Variants in ADH5 observed in about 807,000 individuals in gnomAD.
ADH5 encodes alcohol dehydrogenase class-3.
ADH5 carries 32 observed loss-of-function variants against 40.3 expected under a neutral mutation model. That is an observed-to-expected ratio of 0.79 (90% CI 0.60 to 1.07). The LOEUF is 1.07. Among genes scored for constraint, ADH5 ranks in the 50% least tolerant of loss-of-function variants. The probability of loss-of-function intolerance (pLI) is 0.00; values close to 1 mark genes in which losing one functional copy is unlikely to be tolerated. For missense variants in ADH5, 353 were observed against 460.5 expected (o/e 0.77, Z 2.14); for synonymous variants, 125 against 154.3 (o/e 0.81, Z 1.41).
chr4:99,075,147 T>G, intron 6 of ADH5, 98 bp from the exon 7 acceptor site: 1 of 1,144,292 alleles, frequency 8.7e-7, no homozygotes, highest in Admixed American at 2.8e-5. Flanking sequence ...TTTTTAAAGA[T>G]AATGGCAACA....
rs537536710 is a variant in ADH5 at position 99,076,182 on chromosome 4, A to T, written c.825+110T>A. On this transcript the variant is annotated intron_variant, in intron 6 of 8. Coordinates refer to ENST00000296412, the MANE Select transcript of ADH5 (RefSeq NM_000671.4). ...ATTTTCCCCTTCTTTCACTAGAAAA[A>T]TTCTTATTAAGAGACTTTTCCTTTG... 215 of 1,153,286 alleles carry T rather than the reference A, an allele frequency of 1.9e-4. No individual in the cohort carries two copies. The African/African-American group carries it at 2.8e-3, about 15-fold the overall frequency. The allele number at this position is 1,153,286 out of a possible 1,614,324, so 71.4% of individuals were successfully genotyped here.
Position 99,072,626 on chromosome 4 carries a change from A to G in ADH5, c.1047T>C (p.Asn349=), listed in dbSNP as rs1271154225. The change falls in exon 8 of 9, where the codon AAT becomes AAC. Residue 349 remains asparagine, a synonymous_variant. Transcript: ENST00000296412. ...KIKVDEFVTH[N]LSFDEINKAF... ...CTTTGTTGATTTCATCAAAAGACAG[A>G]TTGTGAGTCACAAATTCATCAACTT... 2 of 1,613,742 alleles carry G rather than the reference A, an allele frequency of 1.2e-6. No homozygotes were observed. The highest frequency in any genetic ancestry group is 2.2e-5 in the South Asian group (2 of 91,008).
At chr4:99,080,785 C>T (rs1728013583) in intron 4 of ADH5, 1 of 155,184 alleles carries the variant, frequency 6.4e-6, no homozygotes, top group Non-Finnish European at 1.4e-5. Context: ...CACTGATGTA[C>T]AATGCACTAC....
rs925565455 is a variant in ADH5, at chr4:99,071,993, T to TAATC, written c.*420_*423dup. ...TCACTGATGGCTAGGATCTGTTCTT[T>TAATC]AATCAACGGGGACTGAGACCCTTAA... On this transcript the variant is annotated 3_prime_UTR_variant, in exon 9 of 9. Transcript: ENST00000296412. The TAATC allele has an allele frequency of 3.0e-5, 5 of 164,260 alleles. No homozygotes were observed. The highest frequency in any genetic ancestry group is 1.2e-4 in the African/African-American group (5 of 41,748). 10.2% of individuals were successfully genotyped at this position (164,260 alleles called of 1,614,324 possible).
chr4:99,075,979 C>G (rs1175054788), intron 6 of ADH5: 1 of 238,004 alleles, frequency 4.2e-6, no homozygotes, highest in Admixed American at 5.1e-5. Flanking sequence ...TTCAGGGTCA[C>G]TGAGTTAGTA....
intron 4 of ADH5, chr4:99,079,975 T>C (rs754220128): frequency 8.8e-6 from 4 of 455,192 alleles, no homozygotes; most frequent in South Asian, 6.2e-5. Context: ...GGCACACCCC[T>C]TTAGTTTCTC....
chr4:99,087,116 GC>G (rs1481685148), intron 1 of ADH5, among the ~76,000 whole-genome samples: 1 of 151,984 alleles, frequency 6.6e-6, no homozygotes, highest in African/African-American at 2.4e-5. Context: ...GGGTGCAGGG[GC>G]TCACGCCTGT....
chr4:99,072,582 G>C lies in ADH5; in HGVS notation c.1091C>G (p.Ser364Cys), dbSNP rs1486307845. Residue 364 changes from serine to cysteine, a missense_variant, in exon 8 of 9, where the codon TCT (serine) becomes TGT (cysteine). By Grantham distance (112) the Ser-to-Cys change is moderately radical (BLOSUM62 -1). Transcript: ENST00000296412. ...TAAAGAGAAAGCCTACCTCTTTCCA[G>C]AATGCATCAGTTCAAAGGCTTTGTT... ...EINKAFELMHSGKSIRTVVKI is the reference protein window; with the variant it reads ...EINKAFELMHCGKSIRTVVKI The C allele has an allele frequency of 1.2e-6, 2 of 1,611,594 alleles. No homozygotes were observed. Among genetic ancestry groups the C allele is most frequent in the Non-Finnish European group, 1.7e-6 (2 of 1,179,282 alleles).
chr4:99,076,064 T>C, intron 6 of ADH5: 1 of 515,366 alleles, frequency 1.9e-6, no homozygotes, highest in Non-Finnish European at 3.5e-6. Context: ...TCATGAGACA[T>C]GCACTTAGCA....
At chr4:99,080,565 A>C (rs1054413851) in intron 4 of ADH5, 2 of 152,516 alleles carry the variant, frequency 1.3e-5, no homozygotes, top group African/African-American at 4.8e-5. Flanking sequence ...CAAGTTACTT[A>C]AATCAGCCAC....
intron 6 of ADH5, 94 bp downstream of exon 6, chr4:99,076,198 T>A: frequency 7.3e-7 from 1 of 1,378,924 alleles, no homozygotes; most frequent in Non-Finnish European, 9.9e-7. Context: ...ATTAAGAGAC[T>A]TTTCCTTTGC....
At position 99,081,957 on chromosome 4, in the gene ADH5, T is replaced by G; in HGVS notation, c.256+18A>C. The G allele has an allele frequency of 6.2e-7, 1 of 1,612,462 alleles. No individual in the cohort carries two copies. The highest frequency in any genetic ancestry group is 8.5e-7 in the Non-Finnish European group (1 of 1,179,236). ...TAAGCCAAAATTATTAAACAAGTGGTTCAAGTATTCTCCTTACCCGCCTTC... is the reference window on the plus strand; with the variant it reads ...TAAGCCAAAATTATTAAACAAGTGGGTCAAGTATTCTCCTTACCCGCCTTC... On this transcript the variant is annotated intron_variant, in intron 3 of 8. Transcript: ENST00000296412.
chr4:99,076,473 C>A lies in ADH5; in HGVS notation c.644G>T (p.Gly215Val), dbSNP rs779584651. 3.4e-5 allele frequency: 55 copies of A among 1,614,058 alleles called. No homozygotes were observed. Among genetic ancestry groups the A allele is most frequent in the Non-Finnish European group, 4.6e-5 (54 of 1,180,022 alleles). ...GTCCACACCAATGATCCGGGAAGCA[C>A]CAGCCACTTTACAGCCCATGATAAC... is the stretch of plus-strand genomic sequence containing the variant. Reference protein sequence around the residue: ...LAVIMGCKVAGASRIIGVDIN... With the variant: ...LAVIMGCKVAVASRIIGVDIN... Residue 215 changes from glycine (G) to valine (V), a missense_variant, in exon 6 of 9, where the codon GGT (glycine) becomes GTT (valine). Gly to Val is a moderately radical substitution (Grantham distance 109, BLOSUM62 -3). Coordinates refer to ENST00000296412, the MANE Select transcript of ADH5 (RefSeq NM_000671.4).
chr4:99,071,553 G>C lies in ADH5; in HGVS notation c.*864C>G, dbSNP rs1175766577. 1 of 152,204 alleles carries C rather than the reference G, an allele frequency of 6.6e-6. No homozygotes were observed. Among genetic ancestry groups the C allele is most frequent in the African/African-American group, 2.4e-5 (1 of 41,456 alleles). The allele number at this position is 152,204 out of a possible 1,614,324, so 9.4% of individuals were successfully genotyped here. A position where few individuals can be genotyped will look rare whatever the true frequency, so the allele number is the denominator to read the frequency against. On this transcript the variant is annotated 3_prime_UTR_variant, in exon 9 of 9. Coordinates refer to ENST00000296412, the MANE Select transcript of ADH5 (RefSeq NM_000671.4). ...ATGAGTGAAAAAAGCTGTAGAATGA[G>C]CAAGTATGAGGCTTAAAAATATATA...
rs774675011 is a variant in ADH5 at position 99,076,340 on chromosome 4, A to C, written c.777T>G (p.Asp259Glu). The change falls in exon 6 of 9, where the codon GAT (aspartate) becomes GAG (glutamate). Residue 259 changes from aspartate to glutamate, a missense_variant. Physicochemically the swap from Asp to Glu is conservative, Grantham distance 45 (BLOSUM62 2). Transcript: ENST00000296412. ...PIQEVLIEMT[D>E]GGVDYSFECI... ...ATTCAAAGGAATAGTCCACTCCTCC[A>C]TCGGTCATCTCAATGAGCACTTCCT... The C allele has an allele frequency of 3.7e-6, 6 of 1,614,160 alleles. No individual in the cohort carries two copies. Among genetic ancestry groups the C allele is most frequent in the Non-Finnish European group, 5.1e-6 (6 of 1,179,988 alleles).
At chr4:99,081,604 G>T in intron 3 of ADH5, 152 bp from the exon 4 acceptor site, 1 of 608,486 alleles carries the variant, frequency 1.6e-6, no homozygotes, top group Non-Finnish European at 2.9e-6. Context: ...TTCAGATACT[G>T]TCTGACCATG....
At position 99,088,773 on chromosome 4, in the gene ADH5, G is replaced by C; in HGVS notation, c.-73C>G. The stretch of plus-strand genomic sequence containing the variant: ...GCGCAGCGACGGAGGCATGGGCGTG[G>C]CGAGCGCCTAGCGAGGGGGGCGGGG... On this transcript the variant is annotated 5_prime_UTR_variant, in exon 1 of 9. Transcript: ENST00000296412. 1.5e-6 allele frequency: 2 copies of C among 1,355,036 alleles called. No individual in the cohort carries two copies. The highest frequency in any genetic ancestry group is 2.0e-6 in the Non-Finnish European group (2 of 995,484). The allele number at this position is 1,355,036 out of a possible 1,614,324, so 83.9% of individuals were successfully genotyped here.
In ADH5 at chr4:99,072,230, GA is replaced by G. The variant is rs1727847818; in HGVS notation, c.*186del. 6.2e-6 allele frequency: 3 copies of G among 482,606 alleles called. No homozygotes were observed. The highest frequency in any genetic ancestry group is 1.1e-5 in the Non-Finnish European group (3 of 268,850). The allele number at this position is 482,606 out of a possible 1,614,324, so 29.9% of individuals were successfully genotyped here. A position where few individuals can be genotyped will look rare whatever the true frequency, so the allele number is the denominator to read the frequency against. ...AATTATTTATGTGGAGGAGCATCCAGAAAACAGGTTCATGACTGAATTATCC... is the reference window on the plus strand; with the variant it reads ...AATTATTTATGTGGAGGAGCATCCAGAAACAGGTTCATGACTGAATTATCC... On this transcript the variant is annotated 3_prime_UTR_variant, in exon 9 of 9. Coordinates refer to ENST00000296412, the MANE Select transcript of ADH5 (RefSeq NM_000671.4).
Position 99,076,686 on chromosome 4 carries a change from C to T in ADH5, c.564+18G>A. ...TAAATTAGAAGGCAGAAGCAAAAAACCCAAGTCAGTCTCTTACCTTGGCAG... is the reference window on the plus strand; with the variant it reads ...TAAATTAGAAGGCAGAAGCAAAAAATCCAAGTCAGTCTCTTACCTTGGCAG... On this transcript the variant is annotated intron_variant, in intron 5 of 8. Coordinates refer to ENST00000296412, the MANE Select transcript of ADH5 (RefSeq NM_000671.4). 1.2e-6 allele frequency: 2 copies of T among 1,608,982 alleles called. No homozygotes were observed. Among genetic ancestry groups the T allele is most frequent in the South Asian group, 1.1e-5 (1 of 89,866 alleles).
Sources: gnomAD v4.1 joint callset for allele counts (sites outside exome capture counted in the v4.1 genomes callset) on GRCh38, gnomAD v4.1.1 for gene constraint, MANE v1.5 for transcripts, NCBI Gene and HGNC (gene_info 2026-07-23, HGNC 2026-07-21) for gene names.